KIF16B: variants seen among roughly 807,000 people sequenced by gnomAD.
The protein encoded by KIF16B is kinesin family member 16B.
A neutral mutation model predicts 156.3 loss-of-function variants in KIF16B; 98 were observed. That is an observed-to-expected ratio of 0.63 (90% CI 0.53 to 0.74). The LOEUF is 0.74. Ranked by LOEUF, KIF16B falls within the 30% of genes least tolerant of loss-of-function variation. KIF16B has a pLI of 0.00. For missense variants in KIF16B, 1,421 were observed against 1,606.5 expected (o/e 0.88, Z 1.97); for synonymous variants, 564 against 583.7 (o/e 0.97, Z 0.49).
intron 24 of KIF16B, among the ~76,000 whole-genome samples, chr20:16,316,666 T>C (rs2063702125): frequency 6.6e-6 from 1 of 152,172 alleles, no homozygotes; most frequent in South Asian, 2.1e-4. Context: ...CTAAACCTCT[T>C]ACCACGGGTT....
chr20:16,506,259 C>A, intron 7 of KIF16B, 69 bp from the exon 8 acceptor site: 1 of 1,349,206 alleles, frequency 7.4e-7, no homozygotes, highest in Non-Finnish European at 1.1e-6. Context: ...GATATGAATT[C>A]TAACTATTTT....
chr20:16,503,919 G>A (rs577068708), intron 10 of KIF16B, among the ~76,000 whole-genome samples: 13 of 152,224 alleles, frequency 8.5e-5, no homozygotes, highest in Non-Finnish European at 1.6e-4. Context: ...CATGTGTCGC[G>A]GGGCCACCAG....
At chr20:16,495,867 T>G (rs6034504) in intron 11 of KIF16B, among the ~76,000 whole-genome samples, 34,424 of 152,052 alleles carry the variant, frequency 0.23, 4,468 homozygotes, top group East Asian at 0.36. Context: ...ATTTTTGTAT[T>G]TTTTGTAAAG....
At chr20:16,504,261 G>T in intron 10 of KIF16B, 111 bp downstream of exon 10, 1 of 1,065,904 alleles carries the variant, frequency 9.4e-7, no homozygotes, top group Non-Finnish European at 1.4e-6. Flanking sequence ...GCTTTACTTA[G>T]CACTTATTTA....
chr20:16,537,747 G>A (rs6044091), intron 1 of KIF16B, among the ~76,000 whole-genome samples: 4,754 of 129,832 alleles, frequency 0.037, 126 homozygotes, highest in Middle Eastern at 0.11. Flanking sequence ...CTCCGTCACT[G>A]GGCTAAAGTG....
intron 19 of KIF16B, among the ~76,000 whole-genome samples, chr20:16,375,983 TCTAA>T (rs2064941577): frequency 6.6e-6 from 1 of 152,234 alleles, no homozygotes; most frequent in Non-Finnish European, 1.5e-5. Context: ...TCTGCCACTT[TCTAA>T]CTGTGTGACA....
chr20:16,378,742 G>A (rs1038428227), intron 19 of KIF16B, 63 bp downstream of exon 19: 132 of 1,428,586 alleles, frequency 9.2e-5, no homozygotes, highest in Non-Finnish European at 1.2e-4. Context: ...ACAACATGAG[G>A]AGTGAAAAAT....
intron 22 of KIF16B, chr20:16,367,623 A>G (rs1255317181): frequency 2.5e-6 from 4 of 1,612,606 alleles, no homozygotes; most frequent in Non-Finnish European, 3.4e-6. Context: ...TGACTTCCAT[A>G]TTTCCATGAA....
chr20:16,372,754 G>A (rs1007805903), intron 20 of KIF16B, among the ~76,000 whole-genome samples: 2 of 152,238 alleles, frequency 1.3e-5, no homozygotes, highest in African/African-American at 4.8e-5. Context: ...CTGGAGGGCT[G>A]TGGTATGATC....
chr20:16,560,990 A>T (rs376408530), intron 1 of KIF16B, among the ~76,000 whole-genome samples: 2 of 151,762 alleles, frequency 1.3e-5, no homozygotes, highest in African/African-American at 4.8e-5. Context: ...ATCTTTTTTT[A>T]AAAAAATATA....
chr20:16,403,983 G>C (rs1390167806), intron 17 of KIF16B, among the ~76,000 whole-genome samples: 2 of 152,206 alleles, frequency 1.3e-5, no homozygotes, highest in South Asian at 2.1e-4. Flanking sequence ...AACTGACGGA[G>C]AGCAAATGTA....
chr20:16,387,479 T>C (rs2123500183), intron 17 of KIF16B, among the ~76,000 whole-genome samples: 1 of 152,116 alleles, frequency 6.6e-6, no homozygotes, highest in Middle Eastern at 3.4e-3. Flanking sequence ...AGGGACTTAA[T>C]TGGATAGGGA....
chr20:16,484,847 A>G lies in KIF16B; in HGVS notation c.1302+9444T>C, dbSNP rs995901896. The stretch of plus-strand genomic sequence containing the variant: ...TATAGGAAGACAGGAACATACACTC[A>G]TACATACACAGTTGCAAACCACTGG... On this transcript the variant is annotated intron_variant, in intron 12 of 25. Coordinates refer to ENST00000354981, the MANE Select transcript of KIF16B (RefSeq NM_024704.5). 2.8e-4 allele frequency among the ~76,000 whole-genome samples: 43 copies of G among 152,172 alleles called. 1 individual carries two copies.
chr20:16,486,631 C>T (rs1467294087), intron 12 of KIF16B, among the ~76,000 whole-genome samples: 1 of 152,162 alleles, frequency 6.6e-6, no homozygotes, highest in Non-Finnish European at 1.5e-5. Context: ...GGAAAGAGCA[C>T]TGACTTCTCA....
At chr20:16,359,590 C>T (rs2064510807) in intron 22 of KIF16B, among the ~76,000 whole-genome samples, 1 of 149,222 alleles carries the variant, frequency 6.7e-6, no homozygotes, top group African/African-American at 2.5e-5. Flanking sequence ...TAAGAATGTA[C>T]CAGGGTAAAA....
intron 12 of KIF16B, among the ~76,000 whole-genome samples, chr20:16,456,459 G>A (rs1315882293): frequency 2.0e-5 from 3 of 150,896 alleles, no homozygotes; most frequent in South Asian, 4.2e-4. Context: ...ACACACACAC[G>A]TGCACACAAA....
At chr20:16,463,682 T>C (rs1488445676) in intron 12 of KIF16B, among the ~76,000 whole-genome samples, 1 of 152,178 alleles carries the variant, frequency 6.6e-6, no homozygotes, top group East Asian at 1.9e-4. Flanking sequence ...AGTGATAGTC[T>C]TCTGATAGGT....
chr20:16,505,734 T>C lies in KIF16B; in HGVS notation c.988A>G (p.Ile330Val), dbSNP rs2068754219. The C allele has an allele frequency of 1.2e-6, 2 of 1,612,864 alleles. No homozygotes were observed. Among genetic ancestry groups the C allele is most frequent in the Non-Finnish European group, 1.7e-6 (2 of 1,179,390 alleles). Reference protein sequence around the residue: ...KDSLGGNSKTIMIATISPADV... With the variant: ...KDSLGGNSKTVMIATISPADV... Reference sequence around the variant, plus strand: ...TTAAAACTCTTACTGGCAATCATGATAGTTTTAGAGTTTCCTCCAAGGCTA... The same window carrying C: ...TTAAAACTCTTACTGGCAATCATGACAGTTTTAGAGTTTCCTCCAAGGCTA... The change falls in exon 9 of 26, where the codon ATC (isoleucine) becomes GTC (valine). Residue 330 changes from isoleucine (I) to valine (V), a missense_variant. Coordinates refer to ENST00000354981, the MANE Select transcript of KIF16B (RefSeq NM_024704.5).
chr20:16,551,263 G>T (rs757220355), intron 1 of KIF16B, among the ~76,000 whole-genome samples: 1 of 151,608 alleles, frequency 6.6e-6, no homozygotes, highest in Non-Finnish European at 1.5e-5. Flanking sequence ...CCTAAGTAGC[G>T]GAGATTACAG....
Sources: allele counts gnomAD v4.1 joint callset (sites outside exome capture counted in the v4.1 genomes callset), GRCh38; gene constraint gnomAD v4.1.1; transcripts MANE v1.5; gene names NCBI Gene and HGNC (gene_info 2026-07-23, HGNC 2026-07-21).